ANO6: variants seen among roughly 807,000 people sequenced by gnomAD.
ANO6 encodes anoctamin-6.
ANO6 carries 106 observed loss-of-function variants against 117.5 expected under a neutral mutation model. That is an observed-to-expected ratio of 0.90 (90% CI 0.77 to 1.06). The LOEUF (loss-of-function observed/expected upper bound fraction) is 1.06. Ranked by LOEUF, ANO6 falls within the 50% of genes least tolerant of loss-of-function variation. The pLI is 0.00. For missense variants in ANO6, 955 were observed against 1,121.1 expected (o/e 0.85, Z 2.12); for synonymous variants, 367 against 385.1 (o/e 0.95, Z 0.55).
intron 1 of ANO6, among the ~76,000 whole-genome samples, chr12:45,285,543 A>G (rs372887243): frequency 3.9e-5 from 6 of 152,178 alleles, no homozygotes; most frequent in African/African-American, 1.4e-4. Flanking sequence ...GAGATCACCA[A>G]CATGGTGAAA....
intron 1 of ANO6, among the ~76,000 whole-genome samples, chr12:45,267,726 G>C (rs537286603): frequency 1.3e-5 from 2 of 152,318 alleles, no homozygotes; most frequent in South Asian, 4.1e-4. Context: ...GGGAGGTGGA[G>C]GTTACAGTGA....
At chr12:45,304,437 A>G (rs1230964509) in intron 2 of ANO6, among the ~76,000 whole-genome samples, 1 of 152,218 alleles carries the variant, frequency 6.6e-6, no homozygotes, top group Non-Finnish European at 1.5e-5. Flanking sequence ...CCCAAAGGCA[A>G]AGCAAAATTG....
intron 12 of ANO6, among the ~76,000 whole-genome samples, chr12:45,398,616 CAT>C (rs781567060): frequency 4.6e-5 from 7 of 152,146 alleles, no homozygotes; most frequent in Non-Finnish European, 7.3e-5. Context: ...TATATACACA[CAT>C]ATATACATAA....
At chr12:45,293,826 A>T (rs1378293732) in intron 1 of ANO6, among the ~76,000 whole-genome samples, 2 of 137,798 alleles carry the variant, frequency 1.5e-5, no homozygotes, top group Middle Eastern at 8.5e-3. Flanking sequence ...CTCATGATCC[A>T]CCCATCTCGG....
chr12:45,422,924 TTGTC>T (rs1165375843), intron 18 of ANO6, 29 bp from the exon 19 acceptor site: 4 of 1,484,370 alleles, frequency 2.7e-6, no homozygotes, highest in Non-Finnish European at 3.8e-6. Flanking sequence ...TCAAAAAGAT[TTGTC>T]TCCCAATATG....
rs966236413 is a variant in ANO6, at chr12:45,356,801, T to C, written c.864-489T>C. Among the ~76,000 whole-genome samples the C allele has an allele frequency of 3.3e-5, 5 of 152,272 alleles. No homozygotes were observed. The South Asian group carries it at 1.0e-3, about 32-fold the overall frequency. On this transcript the variant is annotated intron_variant, in intron 7 of 19. Coordinates refer to ENST00000320560, the MANE Select transcript of ANO6 (RefSeq NM_001025356.3). ...TATTGAAAAAAAATCCACATTTAAG[T>C]GGATCCGTACAGTTCAACCCTGTGT... is the stretch of plus-strand genomic sequence containing the variant.
At chr12:45,319,615 G>A (rs1940183941) in intron 2 of ANO6, among the ~76,000 whole-genome samples, 1 of 152,150 alleles carries the variant, frequency 6.6e-6, no homozygotes, top group Non-Finnish European at 1.5e-5. Context: ...TTGGTATCAG[G>A]ATGATGCTGG....
rs747607963 is a variant in ANO6, at chr12:45,416,882, C to G, written c.2195C>G (p.Ala732Gly). The part of the protein sequence containing the change: ...GAWQPIMQGI[A>G]ILAVVTNAMI... ...TGGCAGCCCATCATGCAAGGAATAG[C>G]AATTCTGGCTGTGGTGACCAATGTG... The change falls in exon 17 of 20, where the codon GCA becomes GGA. Residue 732 changes from alanine (A) to glycine (G), a missense_variant. By Grantham distance (60) the Ala-to-Gly change is moderately conservative (BLOSUM62 0). Coordinates refer to ENST00000320560, the MANE Select transcript of ANO6 (RefSeq NM_001025356.3). 1 of 1,614,148 alleles carries G rather than the reference C, an allele frequency of 6.2e-7. No individual in the cohort carries two copies. Among genetic ancestry groups the G allele is most frequent in the Non-Finnish European group, 8.5e-7 (1 of 1,180,012 alleles).
At chr12:45,377,337 G>T (rs1942055277) in intron 9 of ANO6, among the ~76,000 whole-genome samples, 1 of 152,062 alleles carries the variant, frequency 6.6e-6, no homozygotes, top group Non-Finnish European at 1.5e-5. Flanking sequence ...AGGGAGATAG[G>T]CTACATATAT....
intron 15 of ANO6, among the ~76,000 whole-genome samples, chr12:45,403,852 C>T (rs1942863339): frequency 6.6e-6 from 1 of 152,206 alleles, no homozygotes; most frequent in Admixed American, 6.5e-5. Context: ...CTGGTTAGAG[C>T]TGTGAACTGT....
Position 45,331,275 on chromosome 12 carries a change from T to C in ANO6, c.151-20T>C. The C allele has an allele frequency of 6.3e-7, 1 of 1,592,854 alleles. No homozygotes were observed. Among genetic ancestry groups the C allele is most frequent in the Non-Finnish European group, 8.6e-7 (1 of 1,167,558 alleles). On this transcript the variant is annotated intron_variant, in intron 2 of 19. Coordinates refer to ENST00000320560, the MANE Select transcript of ANO6 (RefSeq NM_001025356.3). ...TTTCAAAAAATTATATATTACAATTTGTTTTTCTGTTTTACACAGGAAGAA... is the reference window on the plus strand; with the variant it reads ...TTTCAAAAAATTATATATTACAATTCGTTTTTCTGTTTTACACAGGAAGAA...
chr12:45,271,687 A>G (rs1346304901), intron 1 of ANO6, among the ~76,000 whole-genome samples: 1 of 152,228 alleles, frequency 6.6e-6, no homozygotes, highest in Non-Finnish European at 1.5e-5. Context: ...TAGCTGTACC[A>G]GAGACTTTTC....
chr12:45,278,559 T>G (rs1270470736), intron 1 of ANO6, among the ~76,000 whole-genome samples: 1 of 152,188 alleles, frequency 6.6e-6, no homozygotes, highest in Non-Finnish European at 1.5e-5. Flanking sequence ...CTTTTTTTTA[T>G]TCTTTGACTA....
rs751110514 is a variant in ANO6 at position 45,421,147 on chromosome 12, G to A, written c.2294G>A (p.Gly765Glu). Residue 765 changes from glycine (G) to glutamate (E), a missense_variant, in exon 18 of 20, where the codon GGG (glycine) becomes GAG (glutamate). Coordinates refer to ENST00000320560, the MANE Select transcript of ANO6 (RefSeq NM_001025356.3). ...YYWSFSVPPY[G>E]DHTSYTMEGY... ...TGGTCCTTCTCCGTCCCTCCCTACGGGGACCACACTTCCTACACCATGGAA... is the reference window on the plus strand; with the variant it reads ...TGGTCCTTCTCCGTCCCTCCCTACGAGGACCACACTTCCTACACCATGGAA... 1 of 1,613,936 alleles carries A rather than the reference G, an allele frequency of 6.2e-7. No homozygotes were observed. Among genetic ancestry groups the A allele is most frequent in the East Asian group, 2.2e-5 (1 of 44,862 alleles).
chr12:45,263,367 CTTTT>C (rs72457782), intron 1 of ANO6, among the ~76,000 whole-genome samples: 3 of 79,176 alleles, frequency 3.8e-5, no homozygotes, highest in Middle Eastern at 0.014. Context: ...CTGGCCTGGC[CTTTT>C]TTTTTTTTTT....
intron 15 of ANO6, 28 bp from the exon 16 acceptor site, chr12:45,409,329 C>T (rs1180321407): frequency 2.5e-6 from 4 of 1,613,016 alleles, no homozygotes; most frequent in Non-Finnish European, 3.4e-6. Context: ...AATATTCGTT[C>T]TAATTTATAA....
At chr12:45,308,048 A>ATTTTTTATTTTTTTT (rs1939729205) in intron 2 of ANO6, among the ~76,000 whole-genome samples, 1 of 69,296 alleles carries the variant, frequency 1.4e-5, no homozygotes, top group Non-Finnish European at 2.6e-5. Flanking sequence ...TGTGTGTGTA[A>ATTTTTTATTTTTTTT]TTTTTTTTTT....
At chr12:45,224,646 A>C (rs927161469) in intron 1 of ANO6, among the ~76,000 whole-genome samples, 1 of 152,188 alleles carries the variant, frequency 6.6e-6, no homozygotes, top group African/African-American at 2.4e-5. Flanking sequence ...AAAATACTTT[A>C]TTTGGTTCTG....
chr12:45,361,005 GT>G (rs1165541373), intron 8 of ANO6, among the ~76,000 whole-genome samples: 1 of 152,016 alleles, frequency 6.6e-6, no homozygotes, highest in Non-Finnish European at 1.5e-5. Flanking sequence ...TCAAATTTTC[GT>G]TTTTCTTTTT....
Sources: allele counts gnomAD v4.1 joint callset (sites outside exome capture counted in the v4.1 genomes callset), GRCh38; gene constraint gnomAD v4.1.1; transcripts MANE v1.5; gene names NCBI Gene and HGNC (gene_info 2026-07-23, HGNC 2026-07-21).